Variants in CACNA2D3 observed in about 807,000 individuals in gnomAD.
CACNA2D3 encodes the protein calcium voltage-gated channel auxiliary subunit alpha2delta 3, also known as voltage-dependent calcium channel subunit alpha-2/delta-3.
A neutral mutation model predicts 160.6 loss-of-function variants in CACNA2D3; 60 were observed. That is an observed-to-expected ratio of 0.37 (90% CI 0.30 to 0.46). CACNA2D3 has a LOEUF of 0.46. CACNA2D3 is among the 20% of genes least tolerant of loss of function. The pLI is 1.00. For synonymous variants in CACNA2D3, 558 were observed against 492.9 expected, an observed-to-expected ratio of 1.13 and a Z score of -1.75; for missense variants, 1,205 against 1,365.0, an observed-to-expected ratio of 0.88 and a Z score of 1.85.
chr3:54,856,245 T>A (rs573230956), intron 17 of CACNA2D3, among the ~76,000 whole-genome samples: 6 of 136,690 alleles, frequency 4.4e-5, no homozygotes, highest in Non-Finnish European at 9.9e-5. Context: ...CGGTTGAGAG[T>A]ACTGACAAGA....
At chr3:54,818,094 G>A (rs1225413280) in intron 14 of CACNA2D3, among the ~76,000 whole-genome samples, 1 of 152,260 alleles carries the variant, frequency 6.6e-6, no homozygotes, top group East Asian at 1.9e-4. Flanking sequence ...TCCACTTATT[G>A]ACATTTATTC....
intron 5 of CACNA2D3, among the ~76,000 whole-genome samples, chr3:54,537,035 C>G (rs1701900335): frequency 6.6e-6 from 1 of 152,126 alleles, no homozygotes; most frequent in Non-Finnish European, 1.5e-5. Context: ...CAATGACTCT[C>G]TCTTAGTCCT....
intron 11 of CACNA2D3, among the ~76,000 whole-genome samples, chr3:54,675,024 A>G (rs1700216072): frequency 6.6e-6 from 1 of 152,220 alleles, no homozygotes; most frequent in African/African-American, 2.4e-5. Flanking sequence ...TTAGGCAGTC[A>G]GGAGACAGCA....
intron 13 of CACNA2D3, among the ~76,000 whole-genome samples, chr3:54,809,264 C>T (rs1411357386): frequency 6.9e-6 from 1 of 144,280 alleles, no homozygotes; most frequent in Non-Finnish European, 1.5e-5. Context: ...TTCTTCCTTC[C>T]TTCCTTTATC....
intron 35 of CACNA2D3, among the ~76,000 whole-genome samples, chr3:55,019,411 T>C (rs1241629733): frequency 6.6e-6 from 1 of 151,960 alleles, no homozygotes; most frequent in Non-Finnish European, 1.5e-5. Context: ...AGATAATTAC[T>C]ATTTTTTATA....
At chr3:54,757,422 C>T (rs1021575990) in intron 12 of CACNA2D3, among the ~76,000 whole-genome samples, 27 of 152,148 alleles carry the variant, frequency 1.8e-4, no homozygotes, top group Admixed American at 6.5e-5. Flanking sequence ...GATTCTTAAC[C>T]TCATTATATC....
At chr3:54,502,959 A>G (rs1325127404) in intron 4 of CACNA2D3, among the ~76,000 whole-genome samples, 1 of 152,050 alleles carries the variant, frequency 6.6e-6, no homozygotes, top group African/African-American at 2.4e-5. Context: ...TGCCCACACC[A>G]CTGGATTTCT....
chr3:54,638,737 A>G (rs1400184569), intron 10 of CACNA2D3: 5 of 151,950 alleles, frequency 3.3e-5, no homozygotes, highest in Non-Finnish European at 7.3e-5. Flanking sequence ...CCATTTGCCC[A>G]TTTTACGCCA....
chr3:54,856,866 C>T (rs926189108), intron 17 of CACNA2D3, among the ~76,000 whole-genome samples: 2 of 152,140 alleles, frequency 1.3e-5, no homozygotes, highest in Admixed American at 6.5e-5. Flanking sequence ...CTGCATTCTC[C>T]ACCTCCCAGG....
intron 11 of CACNA2D3, among the ~76,000 whole-genome samples, chr3:54,660,430 G>A (rs1186863680): frequency 1.3e-5 from 2 of 152,156 alleles, no homozygotes; most frequent in African/African-American, 2.4e-5. Context: ...AAAGTGCTGG[G>A]ATTACAGGCG....
At chr3:54,386,564 G>A (rs1699189253) in intron 3 of CACNA2D3, 151 bp from the exon 4 acceptor site, 2 of 628,470 alleles carry the variant, frequency 3.2e-6, no homozygotes, top group South Asian at 2.2e-5. Context: ...TGACACTGAT[G>A]TGATTATTTT....
At chr3:54,146,378 G>T (rs1349375092) in intron 2 of CACNA2D3, among the ~76,000 whole-genome samples, 1 of 152,228 alleles carries the variant, frequency 6.6e-6, no homozygotes, top group Non-Finnish European at 1.5e-5. Context: ...TCCACGGATA[G>T]TGGGGACAAA....
chr3:54,736,061 GTATATATATATACATATA>G (rs1701507284), intron 11 of CACNA2D3, among the ~76,000 whole-genome samples: 1 of 24,488 alleles, frequency 4.1e-5, no homozygotes, highest in Non-Finnish European at 9.5e-5. Flanking sequence ...ACATATGTAT[GTATATATATATACATATA>G]TATGTATGTG....
intron 5 of CACNA2D3, among the ~76,000 whole-genome samples, chr3:54,525,045 A>G (rs1246749251): frequency 6.6e-6 from 1 of 152,154 alleles, no homozygotes; most frequent in Non-Finnish European, 1.5e-5. Context: ...TGTGTGGTAT[A>G]GTATATAGTA....
At chr3:54,900,083 C>A (rs1277626422) in intron 27 of CACNA2D3, among the ~76,000 whole-genome samples, 2 of 152,154 alleles carry the variant, frequency 1.3e-5, no homozygotes, top group African/African-American at 2.4e-5. Flanking sequence ...ACTTTCCCAG[C>A]GTTTCTATCC....
At chr3:54,750,293 T>A (rs1701833360) in intron 11 of CACNA2D3, among the ~76,000 whole-genome samples, 1 of 152,222 alleles carries the variant, frequency 6.6e-6, no homozygotes, top group Non-Finnish European at 1.5e-5. Context: ...GATAGACTCA[T>A]AGCTTCATTT....
intron 29 of CACNA2D3, among the ~76,000 whole-genome samples, chr3:54,972,072 CA>C (rs1702286380): frequency 1.3e-5 from 2 of 152,192 alleles, no homozygotes. Context: ...TTTGAAACCT[CA>C]GACAGCAATG....
intron 13 of CACNA2D3, among the ~76,000 whole-genome samples, chr3:54,774,403 A>G (rs966381124): frequency 6.6e-6 from 1 of 152,018 alleles, no homozygotes; most frequent in Non-Finnish European, 1.5e-5. Flanking sequence ...AGGAAGAGAG[A>G]GAGTGGGGAG....
intron 5 of CACNA2D3, among the ~76,000 whole-genome samples, chr3:54,538,025 T>G (rs934425298): frequency 6.6e-6 from 1 of 152,120 alleles, no homozygotes; most frequent in African/African-American, 2.4e-5. Context: ...CCAGGAGTGC[T>G]CCACCCTGCA....
Sources: allele counts gnomAD v4.1 joint callset (sites outside exome capture counted in the v4.1 genomes callset), GRCh38; gene constraint gnomAD v4.1.1; transcripts MANE v1.5; gene names NCBI Gene and HGNC (gene_info 2026-07-23, HGNC 2026-07-21).